The following UNC5D variants were observed in gnomAD, a reference collection of about 807,000 sequenced individuals.
UNC5D encodes the protein netrin receptor UNC5D.
UNC5D carries 39 observed loss-of-function variants against 105.4 expected under a neutral mutation model. The ratio of observed to expected loss-of-function variants is 0.37; its 90% CI spans 0.29 to 0.48. The LOEUF (loss-of-function observed/expected upper bound fraction) is 0.48, where lower values mean the gene tolerates loss of function less well. Among genes scored for constraint, UNC5D ranks in the 20% least tolerant of loss-of-function variants. The pLI is 0.98. For missense variants in UNC5D, 991 were observed against 1,202.4 expected, an observed-to-expected ratio of 0.82 and a Z score of 2.60; for synonymous variants, 452 against 450.4, an observed-to-expected ratio of 1.00 and a Z score of -0.04.
At chr8:35,656,812 C>T (rs1291717921) in intron 4 of UNC5D, among the ~76,000 whole-genome samples, 3 of 152,092 alleles carry the variant, frequency 2.0e-5, no homozygotes, top group Admixed American at 6.6e-5. Flanking sequence ...GAATTTGGTG[C>T]TATAGTTTGT....
At chr8:35,683,191 T>C (rs1251650088) in intron 4 of UNC5D, among the ~76,000 whole-genome samples, 1 of 152,194 alleles carries the variant, frequency 6.6e-6, no homozygotes, top group Non-Finnish European at 1.5e-5. Flanking sequence ...GAGCTCCACT[T>C]TGGACCAATT....
At chr8:35,363,498 A>G (rs1480627328) in intron 1 of UNC5D, among the ~76,000 whole-genome samples, 2 of 152,194 alleles carry the variant, frequency 1.3e-5, no homozygotes. Context: ...AAACCATATT[A>G]TAAGCTATAT....
At chr8:35,693,120 C>G (rs922222963) in intron 7 of UNC5D, among the ~76,000 whole-genome samples, 3 of 152,084 alleles carry the variant, frequency 2.0e-5, no homozygotes, top group African/African-American at 7.2e-5. Context: ...TGGAGTGGCT[C>G]AGGAGTGAAG....
chr8:35,237,789 C>G (rs971798632), intron 1 of UNC5D, among the ~76,000 whole-genome samples: 1 of 152,214 alleles, frequency 6.6e-6, no homozygotes, highest in Non-Finnish European at 1.5e-5. Flanking sequence ...GGCCCATTCC[C>G]CTTAGCAACT....
At chr8:35,700,343 C>T (rs1827103278) in intron 7 of UNC5D, among the ~76,000 whole-genome samples, 1 of 151,942 alleles carries the variant, frequency 6.6e-6, no homozygotes, top group Non-Finnish European at 1.5e-5. Flanking sequence ...ACTCTGTGGT[C>T]GCAGTGTCAC....
intron 15 of UNC5D, among the ~76,000 whole-genome samples, chr8:35,773,039 C>A (rs1389806145): frequency 6.6e-6 from 1 of 152,100 alleles, no homozygotes; most frequent in Non-Finnish European, 1.5e-5. Context: ...TTGAGGACCA[C>A]CTGATTAGGT....
intron 1 of UNC5D, among the ~76,000 whole-genome samples, chr8:35,399,959 T>TA (rs896277652): frequency 1.3e-4 from 20 of 152,218 alleles, no homozygotes; most frequent in Admixed American, 3.3e-4. Context: ...TCCCTGGTGA[T>TA]AAAAAAACAG....
chr8:35,729,996 T>A (rs2131569720), intron 10 of UNC5D, among the ~76,000 whole-genome samples: 1 of 152,322 alleles, frequency 6.6e-6, no homozygotes, highest in East Asian at 1.9e-4. Flanking sequence ...AAGACTGCCA[T>A]CTCTAGATTT....
At chr8:35,733,540 G>T (rs1829305670) in intron 11 of UNC5D, among the ~76,000 whole-genome samples, 1 of 152,102 alleles carries the variant, frequency 6.6e-6, no homozygotes, top group Non-Finnish European at 1.5e-5. Context: ...AGCCACCACG[G>T]TTCCCTCTGT....
At chr8:35,568,276 C>A in intron 3 of UNC5D, 35 bp downstream of exon 3, 3 of 1,606,932 alleles carry the variant, frequency 1.9e-6, no homozygotes, top group Non-Finnish European at 2.6e-6. Context: ...TCTTGTAGGA[C>A]CACAAATGAG....
chr8:35,259,682 C>A (rs556716313), intron 1 of UNC5D, among the ~76,000 whole-genome samples: 1 of 151,418 alleles, frequency 6.6e-6, no homozygotes, highest in South Asian at 2.1e-4. Context: ...CACTCAAGGG[C>A]TTTCATATTT....
intron 4 of UNC5D, among the ~76,000 whole-genome samples, chr8:35,642,796 A>G (rs1822825398): frequency 1.3e-5 from 2 of 152,176 alleles, no homozygotes; most frequent in South Asian, 4.1e-4. Flanking sequence ...TTAAGCTCCT[A>G]GAAGACATTT....
intron 1 of UNC5D, among the ~76,000 whole-genome samples, chr8:35,436,604 G>A (rs1487330101): frequency 6.6e-6 from 1 of 152,020 alleles, no homozygotes; most frequent in Non-Finnish European, 1.5e-5. Context: ...AGTTGATGGT[G>A]TCATACAGAA....
At chr8:35,604,132 G>A (rs571479427) in intron 4 of UNC5D, among the ~76,000 whole-genome samples, 42 of 152,134 alleles carry the variant, frequency 2.8e-4, no homozygotes, top group African/African-American at 7.9e-4. Context: ...CAGTTTCTTC[G>A]TAGCCTTGAG....
At chr8:35,412,103 G>T (rs1179288358) in intron 1 of UNC5D, among the ~76,000 whole-genome samples, 1 of 152,006 alleles carries the variant, frequency 6.6e-6, no homozygotes, top group East Asian at 1.9e-4. Context: ...TGTGTAAACT[G>T]CCTCTGGTCA....
chr8:35,452,724 T>C (rs899750514), intron 1 of UNC5D, among the ~76,000 whole-genome samples: 4 of 152,098 alleles, frequency 2.6e-5, no homozygotes, highest in Non-Finnish European at 5.9e-5. Context: ...GCACAAGACA[T>C]GCTGAGAAAG....
At chr8:35,426,984 G>T (rs1355532778) in intron 1 of UNC5D, among the ~76,000 whole-genome samples, 1 of 152,152 alleles carries the variant, frequency 6.6e-6, no homozygotes, top group Non-Finnish European at 1.5e-5. Context: ...GAATTTCTTG[G>T]TGATGGAAGA....
chr8:35,354,329 G>A (rs1033389729), intron 1 of UNC5D, among the ~76,000 whole-genome samples: 23 of 152,170 alleles, frequency 1.5e-4, no homozygotes, highest in African/African-American at 4.3e-4. Context: ...ATGAGTGACA[G>A]ACTGTCATTG....
chr8:35,380,993 T>A (rs1803010363), intron 1 of UNC5D, among the ~76,000 whole-genome samples: 1 of 151,886 alleles, frequency 6.6e-6, no homozygotes, highest in Non-Finnish European at 1.5e-5. Context: ...TTGTTTTAAC[T>A]TCTGTGGATG....
Sources: allele counts gnomAD v4.1 joint callset (sites outside exome capture counted in the v4.1 genomes callset), GRCh38; gene constraint gnomAD v4.1.1; transcripts MANE v1.5; gene names NCBI Gene and HGNC (gene_info 2026-07-23, HGNC 2026-07-21).